Variants in RBFOX1 observed in about 807,000 individuals in gnomAD.
The protein encoded by RBFOX1 is RNA binding protein fox-1 homolog 1.
Under a neutral mutation model 57.7 loss-of-function variants are expected in RBFOX1, and 8 were observed. The observed-to-expected ratio is 0.14, with a 90% CI of 0.08 to 0.25. The LOEUF (loss-of-function observed/expected upper bound fraction) is 0.25, where lower values mean the gene tolerates loss of function less well. Ranked by LOEUF, RBFOX1 falls within the 10% of genes least tolerant of loss-of-function variation. RBFOX1 has a pLI of 1.00. For missense variants in RBFOX1, 611 were observed against 548.5 expected, an observed-to-expected ratio of 1.11 and a Z score of -1.14; for synonymous variants, 326 against 222.4, an observed-to-expected ratio of 1.47 and a Z score of -4.15.
At chr16:7,121,290 G>C (rs1474907937) in intron 4 of RBFOX1, among the ~76,000 whole-genome samples, 1 of 152,014 alleles carries the variant, frequency 6.6e-6, no homozygotes, top group African/African-American at 2.4e-5. Flanking sequence ...AAGAATTATA[G>C]AGCATATCGG....
Position 7,393,346 on chromosome 16 carries a change from C to G in RBFOX1, c.28-124801C>G, listed in dbSNP as rs375150342. Reference sequence around the variant, plus strand: ...TTGGCAAGATGCTCGTCACTTCTTGCTCACCTCTGGATGTCAATCCACAAG... The same window carrying G: ...TTGGCAAGATGCTCGTCACTTCTTGGTCACCTCTGGATGTCAATCCACAAG... On this transcript the variant is annotated intron_variant, in intron 4 of 15. Coordinates refer to ENST00000550418, the MANE Select transcript of RBFOX1 (RefSeq NM_018723.4). 2.6e-5 allele frequency among the ~76,000 whole-genome samples: 4 copies of G among 152,286 alleles called. No homozygotes were observed. The South Asian group carries it at 8.3e-4, about 32-fold the overall frequency.
At chr16:7,622,098 A>C (rs2059403035) in intron 10 of RBFOX1, among the ~76,000 whole-genome samples, 1 of 151,992 alleles carries the variant, frequency 6.6e-6, no homozygotes, top group Non-Finnish European at 1.5e-5. Context: ...GGGGGAGGGG[A>C]GCAGTTGGAT....
chr16:7,511,435 A>C (rs1406525438), intron 4 of RBFOX1, among the ~76,000 whole-genome samples: 1 of 152,184 alleles, frequency 6.6e-6, no homozygotes, highest in East Asian at 1.9e-4. Flanking sequence ...TTCAGAGAGA[A>C]AATTCAGGGT....
intron 3 of RBFOX1, among the ~76,000 whole-genome samples, chr16:6,733,417 A>C (rs2154175787): frequency 6.6e-6 from 1 of 152,226 alleles, no homozygotes; most frequent in African/African-American, 2.4e-5. Flanking sequence ...AGCTGAACCC[A>C]CTCAGTCCTA....
intron 4 of RBFOX1, among the ~76,000 whole-genome samples, chr16:7,213,907 G>A (rs575394199): frequency 1.3e-5 from 2 of 151,626 alleles, no homozygotes; most frequent in Non-Finnish European, 1.5e-5. Context: ...CCAGCCAGAG[G>A]GCATGCAGGA....
At chr16:5,496,584 C>T (rs889355149) in intron 2 of RBFOX1, among the ~76,000 whole-genome samples, 13 of 152,172 alleles carry the variant, frequency 8.5e-5, no homozygotes, top group African/African-American at 3.1e-4. Flanking sequence ...TTGCTTTTCT[C>T]TCTCTCTTAG....
At chr16:5,272,244 G>C (rs2063029923) in intron 1 of RBFOX1, among the ~76,000 whole-genome samples, 3 of 152,158 alleles carry the variant, frequency 2.0e-5, no homozygotes, top group Non-Finnish European at 4.4e-5. Context: ...AAAATTTTCA[G>C]TAAATTAGGG....
chr16:7,599,654 TTTTTTTTTTGAGACAGGGTCTCAC>T (rs1568025940), intron 9 of RBFOX1, among the ~76,000 whole-genome samples: 1 of 107,732 alleles, frequency 9.3e-6, no homozygotes, highest in African/African-American at 2.9e-5. Context: ...TTTTTTTCTT[TTTTTTTTTTGAGACAGGGTCTCAC>T]TTTTTCACCC....
At chr16:7,031,051 G>C (rs1315991322) in intron 3 of RBFOX1, among the ~76,000 whole-genome samples, 1 of 152,204 alleles carries the variant, frequency 6.6e-6, no homozygotes, top group African/African-American at 2.4e-5. Context: ...GGTGTATGAT[G>C]CTGATGCTGC....
chr16:7,269,407 A>G (rs1232690619), intron 4 of RBFOX1, among the ~76,000 whole-genome samples: 1 of 152,112 alleles, frequency 6.6e-6, no homozygotes, highest in Non-Finnish European at 1.5e-5. Flanking sequence ...CTTTTTAAAA[A>G]CATTTTGATA....
At chr16:6,992,002 C>G (rs933266720) in intron 3 of RBFOX1, among the ~76,000 whole-genome samples, 1 of 152,090 alleles carries the variant, frequency 6.6e-6, no homozygotes. Flanking sequence ...GAAGCTGGTG[C>G]TATGAAAACT....
At chr16:6,729,007 T>A (rs1450946000) in intron 3 of RBFOX1, among the ~76,000 whole-genome samples, 1 of 152,180 alleles carries the variant, frequency 6.6e-6, no homozygotes, top group Non-Finnish European at 1.5e-5. Flanking sequence ...GTTAATACAG[T>A]CAACAAATCA....
chr16:6,853,736 G>C (rs1483133195), intron 3 of RBFOX1, among the ~76,000 whole-genome samples: 2 of 152,116 alleles, frequency 1.3e-5, no homozygotes, highest in East Asian at 1.9e-4. Context: ...ATGTGATTGG[G>C]ATAATGCGCC....
At chr16:5,817,245 T>C (rs2055676749) in intron 3 of RBFOX1, among the ~76,000 whole-genome samples, 1 of 152,156 alleles carries the variant, frequency 6.6e-6, no homozygotes, top group South Asian at 2.1e-4. Context: ...TCTATTACGG[T>C]AATTAAACAC....
At chr16:6,513,565 C>A (rs1364086441) in intron 2 of RBFOX1, among the ~76,000 whole-genome samples, 1 of 152,094 alleles carries the variant, frequency 6.6e-6, no homozygotes, top group African/African-American at 2.4e-5. Context: ...GAAAACCTGT[C>A]TCTACTAAAA....
intron 2 of RBFOX1, among the ~76,000 whole-genome samples, chr16:6,346,704 A>G (rs1161786512): frequency 1.3e-5 from 2 of 152,210 alleles, no homozygotes; most frequent in Non-Finnish European, 2.9e-5. Context: ...CAGTGTCTTG[A>G]TAATGCCTCA....
intron 1 of RBFOX1, among the ~76,000 whole-genome samples, chr16:5,431,274 G>A (rs1187309167): frequency 6.6e-6 from 1 of 152,162 alleles, no homozygotes; most frequent in Admixed American, 6.5e-5. Context: ...TTCTTTTTGC[G>A]CATGTGAAAA....
chr16:6,219,410 G>C (rs1476957511), intron 1 of RBFOX1, among the ~76,000 whole-genome samples: 1 of 152,178 alleles, frequency 6.6e-6, no homozygotes, highest in Non-Finnish European at 1.5e-5. Flanking sequence ...GTTGTGCCAC[G>C]ACACTCCAGC....
chr16:6,094,037 A>G (rs1567439749), intron 1 of RBFOX1, among the ~76,000 whole-genome samples: 1 of 152,132 alleles, frequency 6.6e-6, no homozygotes, highest in Non-Finnish European at 1.5e-5. Flanking sequence ...TTTCTAATTT[A>G]CTTTTAAAGT....
Sources: allele counts gnomAD v4.1 joint callset (sites outside exome capture counted in the v4.1 genomes callset), GRCh38; gene constraint gnomAD v4.1.1; transcripts MANE v1.5; gene names NCBI Gene and HGNC (gene_info 2026-07-23, HGNC 2026-07-21).